MYO15A: variants seen among roughly 807,000 people sequenced by gnomAD.
The protein encoded by MYO15A is unconventional myosin-XV.
MYO15A carries 308 observed loss-of-function variants against 394.6 expected under a neutral mutation model. That is an observed-to-expected ratio of 0.78 (90% confidence interval 0.71 to 0.86). The LOEUF (loss-of-function observed/expected upper bound fraction) is 0.86, where lower values mean the gene tolerates loss of function less well. Among genes scored for constraint, MYO15A ranks in the 40% least tolerant of loss-of-function variants. The probability of loss-of-function intolerance (pLI) is 0.00; values close to 1 mark genes in which losing one functional copy is unlikely to be tolerated. For synonymous variants in MYO15A, 1,957 were observed against 2,003.8 expected, an observed-to-expected ratio of 0.98 and a Z score of 0.62; for missense variants, 4,606 against 4,799.1, an observed-to-expected ratio of 0.96 and a Z score of 1.19.
rs1389334249 is a variant in MYO15A at position 18,136,474 on chromosome 17, A to C, written c.4654A>C (p.Arg1552=). 6.2e-7 allele frequency: 1 copy of C among 1,613,628 alleles called. No homozygotes were observed. The highest frequency in any genetic ancestry group is 8.5e-7 in the Non-Finnish European group (1 of 1,180,010). The part of the protein sequence containing the change: ...PLTVESAVDA[R]DAIAKVLYAL... Reference sequence around the variant, plus strand: ...AACTGTGGAGAGCGCTGTGGATGCCAGGTGAGGCCACGCCCTCCCCTGCCT... The same window carrying C: ...AACTGTGGAGAGCGCTGTGGATGCCCGGTGAGGCCACGCCCTCCCCTGCCT... The change falls in exon 14 of 66, where the codon AGG becomes CGG. Residue 1552 remains arginine (R), a splice_region_variant and synonymous_variant. Coordinates refer to ENST00000647165, the MANE Select transcript of MYO15A (RefSeq NM_016239.4).
At chr17:18,142,700 G>GGTCACCCT (rs2046403347) in intron 24 of MYO15A, 56 bp from the exon 25 acceptor site, 2 of 1,491,676 alleles carry the variant, frequency 1.3e-6, no homozygotes, top group South Asian at 2.3e-5. Context: ...TCTACCTTTT[G>GGTCACCCT]GTCACCCTGT....
At chr17:18,146,757 T>C (rs563185967) in intron 30 of MYO15A, among the ~76,000 whole-genome samples, 1 of 152,274 alleles carries the variant, frequency 6.6e-6, no homozygotes, top group South Asian at 2.1e-4. Flanking sequence ...AGACCTTGTC[T>C]CTGCAAAAAA....
intron 48 of MYO15A, 24 bp from the exon 49 acceptor site, chr17:18,156,930 T>C: frequency 6.2e-7 from 1 of 1,609,280 alleles, no homozygotes; most frequent in Middle Eastern, 1.7e-4. Flanking sequence ...GCTGTTGCCC[T>C]CACCCTGCCT....
rs1208140502 is a variant in MYO15A at position 18,119,924 on chromosome 17, A to G, written c.1124A>G (p.His375Arg). The change falls in exon 2 of 66, where the codon CAC (histidine) becomes CGC (arginine). Residue 375 changes from histidine (H) to arginine (R), a missense_variant. His to Arg is a conservative substitution (Grantham distance 29). This residue lies in a region of MYO15A where 1,830 missense variants were observed against 1,689.7 expected (regional missense o/e 1.08). Coordinates refer to ENST00000647165, the MANE Select transcript of MYO15A (RefSeq NM_016239.4). ...DVPYFDPYGV[H>R]YTVPYAEGVY... ...CCCTACTTTGATCCCTACGGAGTCC[A>G]CTACACCGTCCCCTATGCCGAAGGC... 2 of 1,613,404 alleles carry G rather than the reference A, an allele frequency of 1.2e-6. No individual in the cohort carries two copies. Among genetic ancestry groups the G allele is most frequent in the Non-Finnish European group, 1.7e-6 (2 of 1,179,992 alleles).
chr17:18,116,302 T>C lies in MYO15A; in HGVS notation c.-219-2280T>C, dbSNP rs115036988. 1.8e-3 allele frequency among the ~76,000 whole-genome samples: 267 copies of C among 152,312 alleles called. 1 individual carries two copies. Among genetic ancestry groups the C allele is most frequent in the African/African-American group, 6.1e-3 (253 of 41,568 alleles). ...GGTTGTGGGGTTAGCACGACTATGC[T>C]CCTGGCTCTGCCCAGTGTCCTAAGC... On this transcript the variant is annotated intron_variant, in intron 1 of 65. Coordinates refer to ENST00000647165, the MANE Select transcript of MYO15A (RefSeq NM_016239.4).
At position 18,150,566 on chromosome 17, in the gene MYO15A, T is replaced by A; in HGVS notation, c.7327+23T>A. On this transcript the variant is annotated intron_variant, in intron 36 of 65. Coordinates refer to ENST00000647165, the MANE Select transcript of MYO15A (RefSeq NM_016239.4). The surrounding 1 kb of genome is among the most constrained non-coding windows in gnomAD (Gnocchi z 4.4). ...CAAGTCAGTGCCTCCCCAGGGTGGT[T>A]CCAGGGTTGGGCAGGGCCAGAGCCA... 1.2e-6 allele frequency: 2 copies of A among 1,613,664 alleles called. No homozygotes were observed. Among genetic ancestry groups the A allele is most frequent in the Non-Finnish European group, 1.7e-6 (2 of 1,179,656 alleles).
chr17:18,134,267 C>T lies in MYO15A; in HGVS notation c.4482+881C>T, dbSNP rs563418571. On this transcript the variant is annotated intron_variant, in intron 12 of 65. Transcript: ENST00000647165. ...CCTCCCAAAGTGCTGGGATTATAGC[C>T]GTGAGCCACCGTGCCCCGGCCTGTT... Among the ~76,000 whole-genome samples the T allele has an allele frequency of 3.3e-5, 5 of 152,300 alleles. No individual in the cohort carries two copies. In the South Asian group the frequency reaches 8.3e-4, roughly 25 times the overall value.
chr17:18,137,807 T>A, intron 16 of MYO15A, 128 bp downstream of exon 16: 1 of 1,146,368 alleles, frequency 8.7e-7, no homozygotes, highest in Non-Finnish European at 1.3e-6. Flanking sequence ...GGGAAAGGCA[T>A]TCTAAGCTGG....
At chr17:18,127,435 G>A (rs2046069687) in intron 7 of MYO15A, among the ~76,000 whole-genome samples, 1 of 152,146 alleles carries the variant, frequency 6.6e-6, no homozygotes, top group South Asian at 2.1e-4. Flanking sequence ...TAGGGAAGGG[G>A]AGTCCACATA....
Position 18,175,292 on chromosome 17 carries a change from C to CTTTTTTTTTTT in MYO15A, c.10491+1377_10491+1387dup, listed in dbSNP as rs1182500584. On this transcript the variant is annotated intron_variant, in intron 65 of 65. Coordinates refer to ENST00000647165, the MANE Select transcript of MYO15A (RefSeq NM_016239.4). ...TCTGGTCTTTCCTCCTCTAGACTAT[C>CTTTTTTTTTTT]TTTTTTTTTTTTTTTTGAGGCAAAG... Among the ~76,000 whole-genome samples the CTTTTTTTTTTT allele has an allele frequency of 2.8e-4, 26 of 91,284 alleles. 4 individuals carry two copies. The highest frequency in any genetic ancestry group is 5.1e-4 in the African/African-American group (12 of 23,696). The allele number at this position is 91,284 out of a possible 152,430, so 59.9% of individuals were successfully genotyped here.
Position 18,119,390 on chromosome 17 carries a change from A to C in MYO15A, c.590A>C (p.Tyr197Ser), listed in dbSNP as rs771668413. 6.2e-7 allele frequency: 1 copy of C among 1,611,188 alleles called. No individual in the cohort carries two copies. The highest frequency in any genetic ancestry group is 8.5e-7 in the Non-Finnish European group (1 of 1,179,868). Residue 197 changes from tyrosine to serine, a missense_variant, in exon 2 of 66, where the codon TAC (tyrosine) becomes TCC (serine). Tyr to Ser is a moderately radical substitution (Grantham distance 144). Coordinates refer to ENST00000647165, the MANE Select transcript of MYO15A (RefSeq NM_016239.4). ...AGGTTCCCCCGCAGCCGCAGCATCT[A>C]CGCGTCAGGCGAGCCCCTGGGCTTC... ...LRRFPRSRSI[Y>S]ASGEPLGFLP... is the part of the protein sequence containing the mutation.
Position 18,141,038 on chromosome 17 carries a change from C to T in MYO15A, c.5426C>T (p.Pro1809Leu). Reference sequence around the variant, plus strand: ...CTACAGGAGCCAGGTCTCTTTGAGCCAGATGTGGTAATGGCACAATTACGC... The same window carrying T: ...CTACAGGAGCCAGGTCTCTTTGAGCTAGATGTGGTAATGGCACAATTACGC... ...NHKKEPGLFE[P>L]DVVMAQLRYS... The change falls in exon 22 of 66, where the codon CCA becomes CTA. Residue 1809 changes from proline to leucine, a missense_variant. Coordinates refer to ENST00000647165, the MANE Select transcript of MYO15A (RefSeq NM_016239.4). The T allele has an allele frequency of 6.2e-7, 1 of 1,614,004 alleles. No homozygotes were observed. Among genetic ancestry groups the T allele is most frequent in the Non-Finnish European group, 8.5e-7 (1 of 1,180,038 alleles).
chr17:18,116,264 C>T (rs2045782389), intron 1 of MYO15A, among the ~76,000 whole-genome samples: 1 of 152,244 alleles, frequency 6.6e-6, no homozygotes, highest in Non-Finnish European at 1.5e-5. Flanking sequence ...CCCTCCCCCT[C>T]CAGGCAGGAG....
In MYO15A at chr17:18,155,301, A is replaced by T; in HGVS notation, c.8341-13A>T. The T allele has an allele frequency of 6.2e-7, 1 of 1,613,776 alleles. No individual in the cohort carries two copies. Among genetic ancestry groups the T allele is most frequent in the African/African-American group, 1.3e-5 (1 of 75,064 alleles). ...ACAAGAGGATCCTCACACGCCCTTCATCTCTGCCCCAGGGCAGCGTGGGCA... is the reference window on the plus strand; with the variant it reads ...ACAAGAGGATCCTCACACGCCCTTCTTCTCTGCCCCAGGGCAGCGTGGGCA... On this transcript the variant is annotated splice_polypyrimidine_tract_variant and intron_variant, in intron 46 of 65. Coordinates refer to ENST00000647165, the MANE Select transcript of MYO15A (RefSeq NM_016239.4).
At position 18,155,193 on chromosome 17, in the gene MYO15A, G is replaced by A; in HGVS notation, c.8308G>A (p.Glu2770Lys). 2 of 1,613,974 alleles carry A rather than the reference G, an allele frequency of 1.2e-6. No homozygotes were observed. Residue 2770 changes from glutamate (E) to lysine (K), a missense_variant, in exon 46 of 66, where the codon GAG becomes AAG. Coordinates refer to ENST00000647165, the MANE Select transcript of MYO15A (RefSeq NM_016239.4). ...AVVSTARDTW[E>K]VYFSRIFPAT... ...GGTCAGCACTGCACGAGACACCTGGGAGGTCTACTTCTCCCGCATCTTCCC... is the reference window on the plus strand; with the variant it reads ...GGTCAGCACTGCACGAGACACCTGGAAGGTCTACTTCTCCCGCATCTTCCC...
At position 18,142,078 on chromosome 17, in the gene MYO15A, G is replaced by A. The variant is rs1200122729; in HGVS notation, c.5650-1G>A. On this transcript the variant is annotated splice_acceptor_variant, in intron 23 of 65. Coordinates refer to ENST00000647165, the MANE Select transcript of MYO15A (RefSeq NM_016239.4). LOFTEE classifies it high-confidence loss of function. ...CCTCAGTGCCTTCCTCCTGTCCTTA[G>A]CTGTTCCTTAAGGAACACCTATACC... The A allele has an allele frequency of 1.2e-6, 2 of 1,612,104 alleles. No homozygotes were observed. The highest frequency in any genetic ancestry group is 2.7e-5 in the African/African-American group (2 of 74,904).
In MYO15A at chr17:18,135,733, C is replaced by T. The variant is rs368577214; in HGVS notation, c.4505C>T (p.Ser1502Leu). ...TAGACGGATGCACAGGAGGTGGCCTCAGTGGTGAGTGCCCGAGAGATCCAG... is the reference window on the plus strand; with the variant it reads ...TAGACGGATGCACAGGAGGTGGCCTTAGTGGTGAGTGCCCGAGAGATCCAG... ...KYETDAQEVA[S>L]VVSAREIQAV... The change falls in exon 13 of 66, where the codon TCA becomes TTA. Residue 1502 changes from serine (S) to leucine (L), a missense_variant. This residue lies in a region of MYO15A where 2,776 missense variants were observed against 3,109.3 expected (regional missense o/e 0.89). Coordinates refer to ENST00000647165, the MANE Select transcript of MYO15A (RefSeq NM_016239.4). 3.1e-6 allele frequency: 5 copies of T among 1,614,056 alleles called. No individual in the cohort carries two copies. The highest frequency in any genetic ancestry group is 4.2e-6 in the Non-Finnish European group (5 of 1,180,040).
At chr17:18,154,563 A>T in intron 44 of MYO15A, 117 bp from the exon 45 acceptor site, 1 of 1,000,382 alleles carries the variant, frequency 1.0e-6, no homozygotes, top group Non-Finnish European at 1.6e-6. Context: ...CTTACAGATG[A>T]CCCCACTGCT....
At chr17:18,145,842 G>A (rs1304612484) in intron 29 of MYO15A, 30 bp from the exon 30 acceptor site, 5 of 1,609,136 alleles carry the variant, frequency 3.1e-6, no homozygotes, top group Non-Finnish European at 3.4e-6. Context: ...AACTTTCTGA[G>A]ATGCCCAGGA....
Sources: allele counts gnomAD v4.1 joint callset (sites outside exome capture counted in the v4.1 genomes callset), GRCh38; gene constraint gnomAD v4.1.1; regional missense constraint gnomAD v4.1.1; non-coding constraint Gnocchi (gnomAD v3.1); transcripts MANE v1.5; gene names NCBI Gene and HGNC (gene_info 2026-07-23, HGNC 2026-07-21).